The following ERCC4 variants were observed in gnomAD, a reference collection of about 807,000 sequenced individuals.
The protein encoded by ERCC4 is ERCC excision repair 4, endonuclease catalytic subunit.
ERCC4 carries 65 observed loss-of-function variants against 76.9 expected under a neutral mutation model. The ratio of observed to expected loss-of-function variants is 0.84; its 90% confidence interval spans 0.69 to 1.04. ERCC4 has a LOEUF of 1.04. Ranked by LOEUF, ERCC4 falls within the 50% of genes least tolerant of loss-of-function variation. The pLI, the probability that ERCC4 is intolerant of heterozygous loss-of-function variation, is 0.00. For synonymous variants in ERCC4, 463 were observed against 410.1 expected (o/e 1.13, Z -1.56); for missense variants, 1,214 against 1,128.2 (o/e 1.08, Z -1.09).
chr16:13,934,121 T>G (rs986183131), intron 6 of ERCC4, 71 bp from the exon 7 acceptor site: 2 of 988,584 alleles, frequency 2.0e-6, no homozygotes, highest in Admixed American at 3.9e-5. Context: ...TATCTGTTGT[T>G]TTAAAAGCCT....
intron 7 of ERCC4, 91 bp downstream of exon 7, chr16:13,934,393 C>G (rs1240292575): frequency 1.2e-6 from 1 of 840,996 alleles, no homozygotes; most frequent in Non-Finnish European, 2.1e-6. Flanking sequence ...TCAAGACTAG[C>G]CTGACCAACA....
chr16:13,934,026 A>T (rs2032234331), intron 6 of ERCC4, 166 bp from the exon 7 acceptor site: 2 of 570,262 alleles, frequency 3.5e-6, no homozygotes, highest in Non-Finnish European at 6.2e-6. Flanking sequence ...TTTACACCTT[A>T]AGTAGATCTT....
At chr16:13,921,581 G>A (rs2031977567) in intron 1 of ERCC4, among the ~76,000 whole-genome samples, 1 of 152,166 alleles carries the variant, frequency 6.6e-6, no homozygotes, top group South Asian at 2.1e-4. Flanking sequence ...CAAGCCAAGG[G>A]ACCCAGTGAC....
chr16:13,920,524 C>T, intron 1 of ERCC4, 152 bp downstream of exon 1: 1 of 752,744 alleles, frequency 1.3e-6, no homozygotes, highest in South Asian at 1.5e-5. Context: ...GGCAGGGGTC[C>T]CCAGGGGGAT....
chr16:13,938,041 C>T (rs2032339532), intron 9 of ERCC4, among the ~76,000 whole-genome samples, 183 bp downstream of exon 9: 1 of 98,862 alleles, frequency 1.0e-5, no homozygotes, highest in South Asian at 3.0e-4. Flanking sequence ...TCCTTTTTCT[C>T]TTCCCCGTCT....
Position 13,935,291 on chromosome 16 carries a change from TAGGA to T in ERCC4, c.1366_1369del (p.Glu456ThrfsTer36), listed in dbSNP as rs1567247799. On this transcript the variant is annotated frameshift_variant, in exon 8 of 11. Transcript: ENST00000311895. LOFTEE classifies it high-confidence loss of function. ...AAGCTGAAGAAGTCTGGATGAAATT[TAGGA>T]AGGAAGACAGTTCAAAGAGAATTAG... The T allele has an allele frequency of 1.2e-6, 2 of 1,614,058 alleles. No homozygotes were observed. The highest frequency in any genetic ancestry group is 1.7e-6 in the Non-Finnish European group (2 of 1,180,024).
At position 13,949,250 on chromosome 16, in the gene ERCC4, CTAGT is replaced by C. The variant is rs2032584657; in HGVS notation, c.*906_*909del. On this transcript the variant is annotated 3_prime_UTR_variant, in exon 11 of 11. Coordinates refer to ENST00000311895, the MANE Select transcript of ERCC4 (RefSeq NM_005236.3). ...ATCAGAGATCCCTAAGTCCAGCTGG[CTAGT>C]TACAGAGTTTTTTCAGACTTCCTCG... 4.3e-6 allele frequency: 1 copy of C among 233,246 alleles called. No homozygotes were observed. Among genetic ancestry groups the C allele is most frequent in the Non-Finnish European group, 8.5e-6 (1 of 118,110 alleles). 14.4% of individuals were successfully genotyped at this position (233,246 alleles called of 1,614,324 possible). A position where few individuals can be genotyped will look rare whatever the true frequency, so the allele number is the denominator to read the frequency against.
chr16:13,932,296 G>T lies in ERCC4; in HGVS notation c.1102+11G>T. The T allele has an allele frequency of 6.2e-7, 1 of 1,606,140 alleles. No homozygotes were observed. The highest frequency in any genetic ancestry group is 8.5e-7 in the Non-Finnish European group (1 of 1,174,404). On this transcript the variant is annotated intron_variant, in intron 6 of 10. Coordinates refer to ENST00000311895, the MANE Select transcript of ERCC4 (RefSeq NM_005236.3). ...TTAAAGAAGGGGAAGGTATCTTGTGGGGTTAAGTCTTTAAATGTGTTTTTT... is the reference window on the plus strand; with the variant it reads ...TTAAAGAAGGGGAAGGTATCTTGTGTGGTTAAGTCTTTAAATGTGTTTTTT...
rs752008977 is a variant in ERCC4 at position 13,922,142 on chromosome 16, A to T, written c.319A>T (p.Ile107Leu). Residue 107 changes from isoleucine (I) to leucine (L), a missense_variant, in exon 2 of 11, where the codon ATA becomes TTA. Transcript: ENST00000311895. ...RYEVYTQGGV[I>L]FATSRILVVD... ...TGAAGTTTACACACAAGGTGGTGTT[A>T]TATTTGCGACAAGTAGGATACTTGT... 6.2e-7 allele frequency: 1 copy of T among 1,613,452 alleles called. No individual in the cohort carries two copies. Among genetic ancestry groups the T allele is most frequent in the South Asian group, 1.1e-5 (1 of 91,072 alleles).
At chr16:13,945,484 GC>G (rs1762964655) in intron 10 of ERCC4, among the ~76,000 whole-genome samples, 1 of 152,216 alleles carries the variant, frequency 6.6e-6, no homozygotes, top group Non-Finnish European at 1.5e-5. Flanking sequence ...CAGCCAGGTG[GC>G]ATGAGAAAAG....
chr16:13,921,218 G>C (rs2031969531), intron 1 of ERCC4, among the ~76,000 whole-genome samples: 1 of 152,150 alleles, frequency 6.6e-6, no homozygotes, highest in Admixed American at 6.5e-5. Flanking sequence ...CATTCACCAA[G>C]GCTGTGTTAA....
chr16:13,930,999 G>A, intron 5 of ERCC4, 109 bp downstream of exon 5: 3 of 749,642 alleles, frequency 4.0e-6, no homozygotes, highest in Non-Finnish European at 7.0e-6. Context: ...ATGTTATACT[G>A]AGATTTCAAA....
At chr16:13,942,818 G>A (rs1243674681) in intron 9 of ERCC4, among the ~76,000 whole-genome samples, 2 of 152,318 alleles carry the variant, frequency 1.3e-5, no homozygotes, top group South Asian at 4.1e-4. Context: ...GTAACAAGTA[G>A]AAACAAAGTG....
chr16:13,944,208 C>T (rs1848395666), intron 9 of ERCC4: 1 of 155,756 alleles, frequency 6.4e-6, no homozygotes, highest in Non-Finnish European at 1.4e-5. Flanking sequence ...TCTTGATTTT[C>T]CTTTAAAACT....
In ERCC4 at chr16:13,935,296, A is replaced by G. The variant is rs759312308; in HGVS notation, c.1364A>G (p.Lys455Arg). ...GAAGAAGTCTGGATGAAATTTAGGA[A>G]GGAAGACAGTTCAAAGAGAATTAGG... ...KAEEVWMKFR[K>R]EDSSKRIRKS... Residue 455 changes from lysine to arginine, a missense_variant, in exon 8 of 11, where the codon AAG (lysine) becomes AGG (arginine). Lys to Arg is a conservative substitution (Grantham distance 26). Transcript: ENST00000311895. 5.0e-6 allele frequency: 8 copies of G among 1,614,140 alleles called. No homozygotes were observed. The South Asian group carries it at 8.8e-5, about 18-fold the overall frequency.
intron 1 of ERCC4, among the ~76,000 whole-genome samples, chr16:13,921,264 C>A (rs2031970576): frequency 6.6e-6 from 1 of 152,098 alleles, no homozygotes; most frequent in African/African-American, 2.4e-5. Flanking sequence ...TGGAGCTTGA[C>A]GCTGAGGATG....
chr16:13,944,592 CTTGTTT>C (rs992966619), intron 9 of ERCC4, 125 bp from the exon 10 acceptor site: 81 of 700,160 alleles, frequency 1.2e-4, no homozygotes, highest in African/African-American at 7.8e-4. Context: ...TAATATATTC[CTTGTTT>C]TTGTTTTTGT....
chr16:13,938,402 A>C (rs1338755503), intron 9 of ERCC4, among the ~76,000 whole-genome samples: 1 of 152,192 alleles, frequency 6.6e-6, no homozygotes, highest in African/African-American at 2.4e-5. Context: ...TACTATTCCA[A>C]ATCCAAGTAG....
chr16:13,922,335 C>T, intron 2 of ERCC4, 124 bp downstream of exon 2: 1 of 806,070 alleles, frequency 1.2e-6, no homozygotes, highest in South Asian at 1.4e-5. Context: ...CAGCTCCCTA[C>T]ATCACCTTTG....
Sources: gnomAD v4.1 joint callset for allele counts (sites outside exome capture counted in the v4.1 genomes callset) on GRCh38, gnomAD v4.1.1 for gene constraint, MANE v1.5 for transcripts, NCBI Gene and HGNC (gene_info 2026-07-23, HGNC 2026-07-21) for gene names.